The following CNTN5 variants were observed in gnomAD, a reference collection of about 807,000 sequenced individuals.
The protein encoded by CNTN5 is contactin 5.
A neutral mutation model predicts 129.1 loss-of-function variants in CNTN5; 77 were observed. The ratio of observed to expected loss-of-function variants is 0.60; its 90% CI spans 0.50 to 0.72. The LOEUF (loss-of-function observed/expected upper bound fraction) is 0.72. Among genes scored for constraint, CNTN5 ranks in the 30% least tolerant of loss-of-function variants. The probability of loss-of-function intolerance (pLI) is 0.00; values close to 1 mark genes in which losing one functional copy is unlikely to be tolerated. For missense variants in CNTN5, 1,478 were observed against 1,328.8 expected (o/e 1.11, Z -1.75); for synonymous variants, 509 against 465.6 (o/e 1.09, Z -1.20).
chr11:99,251,451 G>T (rs1327745176), intron 1 of CNTN5, among the ~76,000 whole-genome samples: 2 of 151,762 alleles, frequency 1.3e-5, no homozygotes, highest in Non-Finnish European at 2.9e-5. Context: ...TAGCCAGTCA[G>T]TTATAGAAAT....
At chr11:99,089,906 T>G (rs1443041192) in intron 1 of CNTN5, among the ~76,000 whole-genome samples, 1 of 152,208 alleles carries the variant, frequency 6.6e-6, no homozygotes, top group African/African-American at 2.4e-5. Context: ...CTATGATAAT[T>G]ATTAAATATC....
chr11:99,995,856 T>G (rs1283787895), intron 8 of CNTN5, among the ~76,000 whole-genome samples: 1 of 152,180 alleles, frequency 6.6e-6, no homozygotes, highest in Non-Finnish European at 1.5e-5. Flanking sequence ...GCTATTGCAT[T>G]GTTTTCTAAT....
intron 1 of CNTN5, among the ~76,000 whole-genome samples, chr11:99,292,636 C>G (rs529994645): frequency 6.6e-6 from 1 of 152,066 alleles, no homozygotes; most frequent in African/African-American, 2.4e-5. Context: ...GAGAGTCAAG[C>G]AAAACTCTTT....
chr11:99,791,517 A>G (rs1352388642), intron 3 of CNTN5, among the ~76,000 whole-genome samples: 1 of 151,964 alleles, frequency 6.6e-6, no homozygotes, highest in African/African-American at 2.4e-5. Context: ...TGTATTTATA[A>G]CAGTAGCATG....
intron 3 of CNTN5, among the ~76,000 whole-genome samples, chr11:99,804,827 T>C (rs1301334411): frequency 1.3e-5 from 2 of 150,006 alleles, no homozygotes; most frequent in Non-Finnish European, 3.0e-5. Context: ...ATAACTATTT[T>C]ATATGTATAT....
chr11:100,057,363 A>G (rs546903814), intron 9 of CNTN5, among the ~76,000 whole-genome samples: 1 of 151,324 alleles, frequency 6.6e-6, no homozygotes, highest in South Asian at 2.1e-4. Context: ...AGACCAATAA[A>G]ATAGACAAAC....
intron 13 of CNTN5, among the ~76,000 whole-genome samples, chr11:100,183,399 GGAAT>G (rs59289339): frequency 0.031 from 4,724 of 152,116 alleles, 241 homozygotes; most frequent in African/African-American, 0.11. Context: ...TACACACAAT[GGAAT>G]GAATACTACT....
chr11:99,844,975 GGTAGGAATTCACT>G lies in CNTN5; in HGVS notation c.401+3_401+15del. The G allele has an allele frequency of 6.2e-7, 1 of 1,613,224 alleles. No homozygotes were observed. Among genetic ancestry groups the G allele is most frequent in the Non-Finnish European group, 8.5e-7 (1 of 1,179,616 alleles). ...CGTGGCAATCCAGTTCCCAGTTACAGGTAGGAATTCACTGTTAATCATTTTTCTTAAGCCTTAA... is the reference window on the plus strand; with the variant it reads ...CGTGGCAATCCAGTTCCCAGTTACAGGTTAATCATTTTTCTTAAGCCTTAA... On this transcript the variant is annotated splice_donor_variant and splice_donor_5th_base_variant and intron_variant, in intron 5 of 24. Coordinates refer to ENST00000524871, the MANE Select transcript of CNTN5 (RefSeq NM_014361.4). LOFTEE classifies it high-confidence loss of function.
intron 13 of CNTN5, among the ~76,000 whole-genome samples, chr11:100,170,892 A>G (rs1229932110): frequency 1.2e-5 from 1 of 81,540 alleles, no homozygotes; most frequent in African/African-American, 8.6e-5. Context: ...CTGAAACAAA[A>G]ACAAAAAAAA....
chr11:100,275,933 T>G (rs1161628674), intron 18 of CNTN5, among the ~76,000 whole-genome samples: 1 of 152,208 alleles, frequency 6.6e-6, no homozygotes. Context: ...CACCAATGTC[T>G]GGAGACATCC....
Position 99,689,073 on chromosome 11 carries a change from G to A in CNTN5, c.56-130471G>A, listed in dbSNP as rs542349745. ...ATAGTGCTCTAATGAATACACACAT[G>A]CATGCATCTTTATAATAGTACTATT... On this transcript the variant is annotated intron_variant, in intron 3 of 24. Transcript: ENST00000524871. Among the ~76,000 whole-genome samples, 26 of 152,134 alleles carry A rather than the reference G, an allele frequency of 1.7e-4. No homozygotes were observed. In the South Asian group the frequency reaches 5.4e-3, roughly 32 times the overall value.
chr11:99,175,263 T>G (rs1438394574), intron 1 of CNTN5, among the ~76,000 whole-genome samples: 1 of 151,862 alleles, frequency 6.6e-6, no homozygotes, highest in East Asian at 1.9e-4. Context: ...AAATAAAAAA[T>G]AAATAGGGTT....
intron 1 of CNTN5, among the ~76,000 whole-genome samples, chr11:99,073,636 G>A (rs1267172362): frequency 2.0e-5 from 3 of 151,956 alleles, no homozygotes; most frequent in Non-Finnish European, 4.4e-5. Flanking sequence ...ACTGATGAGT[G>A]AAAACACGCG....
At chr11:99,678,421 TG>T (rs1411988112) in intron 3 of CNTN5, among the ~76,000 whole-genome samples, 1 of 152,120 alleles carries the variant, frequency 6.6e-6, no homozygotes, top group Non-Finnish European at 1.5e-5. Context: ...TCCTGGATGA[TG>T]GACACATGAA....
At chr11:99,816,408 T>A (rs1351449300) in intron 3 of CNTN5, among the ~76,000 whole-genome samples, 2 of 152,174 alleles carry the variant, frequency 1.3e-5, no homozygotes, top group African/African-American at 4.8e-5. Context: ...AACATCAACA[T>A]GAATGTCCTG....
chr11:99,263,986 T>C (rs1862765551), intron 1 of CNTN5, among the ~76,000 whole-genome samples: 1 of 152,122 alleles, frequency 6.6e-6, no homozygotes, highest in Non-Finnish European at 1.5e-5. Flanking sequence ...CTTTATATGC[T>C]GTTTACAGTT....
intron 3 of CNTN5, among the ~76,000 whole-genome samples, chr11:99,768,241 T>C (rs17134402): frequency 0.14 from 21,341 of 152,144 alleles, 2,376 homozygotes; most frequent in East Asian, 0.51. Context: ...TATTAATAGT[T>C]ATATACATCC....
chr11:99,584,778 G>A (rs1337997547), intron 3 of CNTN5, among the ~76,000 whole-genome samples: 1 of 152,214 alleles, frequency 6.6e-6, no homozygotes, highest in Admixed American at 6.5e-5. Context: ...TGTTTGAACT[G>A]TGAAACAAAC....
chr11:99,872,544 A>C (rs1163997086), intron 6 of CNTN5, among the ~76,000 whole-genome samples: 1 of 152,146 alleles, frequency 6.6e-6, no homozygotes, highest in Admixed American at 6.6e-5. Flanking sequence ...GATACCCTGC[A>C]GAAGAGAAAA....
Sources: allele counts gnomAD v4.1 joint callset (sites outside exome capture counted in the v4.1 genomes callset), GRCh38; gene constraint gnomAD v4.1.1; transcripts MANE v1.5; gene names NCBI Gene and HGNC (gene_info 2026-07-23, HGNC 2026-07-21).